Variants in GALNT17 observed in about 807,000 individuals in gnomAD.
GALNT17 encodes the protein UDP-GalNAc:polypeptide N-acetylgalactosaminyltransferase-like 3.
A neutral mutation model predicts 63.7 loss-of-function variants in GALNT17; 29 were observed. That is an observed-to-expected ratio of 0.46 (90% confidence interval 0.34 to 0.62). The LOEUF is 0.62. Among genes scored for constraint, GALNT17 ranks in the 20% least tolerant of loss-of-function variants. GALNT17 has a pLI of 0.01. For synonymous variants in GALNT17, 305 were observed against 318.3 expected, an observed-to-expected ratio of 0.96 and a Z score of 0.45; for missense variants, 603 against 799.6, an observed-to-expected ratio of 0.75 and a Z score of 2.97.
chr7:71,177,658 GC>G (rs1335022206), intron 1 of GALNT17, among the ~76,000 whole-genome samples: 3 of 152,078 alleles, frequency 2.0e-5, no homozygotes, highest in Non-Finnish European at 4.4e-5. Flanking sequence ...CAGTTAGAGG[GC>G]CAGCATGGAA....
chr7:71,529,876 CAA>C (rs1331188835), intron 5 of GALNT17, among the ~76,000 whole-genome samples: 11 of 152,128 alleles, frequency 7.2e-5, no homozygotes, highest in Admixed American at 3.9e-4. Flanking sequence ...TTCATTGTTA[CAA>C]AAGAGTTGTT....
intron 1 of GALNT17, among the ~76,000 whole-genome samples, chr7:71,231,206 G>A (rs1044203265): frequency 1.3e-4 from 19 of 150,874 alleles, no homozygotes; most frequent in African/African-American, 4.6e-4. Context: ...CATGGTTCAT[G>A]TTGGACTGAA....
At chr7:71,390,960 A>G (rs1380604335) in intron 3 of GALNT17, among the ~76,000 whole-genome samples, 2 of 152,220 alleles carry the variant, frequency 1.3e-5, no homozygotes, top group African/African-American at 4.8e-5. Flanking sequence ...TGTGGTATTT[A>G]TACACCTTTA....
At chr7:71,223,997 T>A (rs553620054) in intron 1 of GALNT17, among the ~76,000 whole-genome samples, 46 of 152,306 alleles carry the variant, frequency 3.0e-4, no homozygotes, top group African/African-American at 1.1e-3. Context: ...CATGTCTTGA[T>A]TATTTCACTT....
chr7:71,667,723 T>G (rs951224439), intron 7 of GALNT17, among the ~76,000 whole-genome samples: 2 of 152,148 alleles, frequency 1.3e-5, no homozygotes, highest in African/African-American at 2.4e-5. Context: ...GGAAGTCAGT[T>G]CAGGTCCTCA....
intron 9 of GALNT17, among the ~76,000 whole-genome samples, chr7:71,696,238 G>A (rs569505527): frequency 3.7e-4 from 56 of 151,528 alleles, no homozygotes; most frequent in Middle Eastern, 3.4e-3. Context: ...TCAGCCTCCC[G>A]AGTAGCTGGG....
At chr7:71,385,739 C>T (rs1326030933) in intron 2 of GALNT17, among the ~76,000 whole-genome samples, 1 of 152,154 alleles carries the variant, frequency 6.6e-6, no homozygotes, top group Non-Finnish European at 1.5e-5. Flanking sequence ...AGAGGACCTT[C>T]TCCTAGTTGG....
intron 1 of GALNT17, among the ~76,000 whole-genome samples, chr7:71,212,130 G>A (rs951498198): frequency 1.3e-5 from 2 of 152,194 alleles, no homozygotes; most frequent in Non-Finnish European, 2.9e-5. Flanking sequence ...GGAGGAAAAA[G>A]TGGTTTTGTG....
chr7:71,229,740 C>T (rs1386625019), intron 1 of GALNT17, among the ~76,000 whole-genome samples: 1 of 152,178 alleles, frequency 6.6e-6, no homozygotes, highest in Non-Finnish European at 1.5e-5. Context: ...ACTGGCCAGC[C>T]CTAGTCCCAT....
intron 6 of GALNT17, among the ~76,000 whole-genome samples, chr7:71,610,967 T>G: frequency 7.2e-6 from 1 of 138,280 alleles, no homozygotes. Context: ...GCCTGAGCGG[T>G]GACAGAGCGA....
At position 71,292,282 on chromosome 7, in the gene GALNT17, C is replaced by T. The variant is rs556534786; in HGVS notation, c.239-43268C>T. Among the ~76,000 whole-genome samples the T allele has an allele frequency of 2.6e-5, 4 of 152,262 alleles. 1 individual carries two copies. Among genetic ancestry groups the T allele is most frequent in the Middle Eastern group, 3.4e-3 (1 of 294 alleles). On this transcript the variant is annotated intron_variant, in intron 1 of 10. Transcript: ENST00000333538. ...GGCAAGTGACAGAAAAACAAGAATA[C>T]ATAGGTTTTGCTGGACAGACATCAG... is the stretch of plus-strand genomic sequence containing the variant.
At chr7:71,521,309 C>A (rs1428415559) in intron 5 of GALNT17, among the ~76,000 whole-genome samples, 1 of 152,010 alleles carries the variant, frequency 6.6e-6, no homozygotes, top group African/African-American at 2.4e-5. Flanking sequence ...GCACATCTGT[C>A]CCCAGGTGGA....
chr7:71,239,314 T>TA (rs939922368), intron 1 of GALNT17, among the ~76,000 whole-genome samples: 1 of 144,376 alleles, frequency 6.9e-6, no homozygotes, highest in African/African-American at 2.6e-5. Context: ...CAAAAAAAAA[T>TA]AAATAAAAAT....
chr7:71,406,158 G>T (rs987485832), intron 3 of GALNT17, among the ~76,000 whole-genome samples: 1 of 152,144 alleles, frequency 6.6e-6, no homozygotes, highest in African/African-American at 2.4e-5. Context: ...AGTGAGCTTG[G>T]TTAGCAATTT....
chr7:71,534,690 C>T (rs1424591065), intron 5 of GALNT17, among the ~76,000 whole-genome samples: 2 of 151,986 alleles, frequency 1.3e-5, no homozygotes, highest in African/African-American at 4.8e-5. Flanking sequence ...AATTTAATTA[C>T]CTCCCACTGG....
At chr7:71,616,456 G>A (rs1790204537) in intron 6 of GALNT17, among the ~76,000 whole-genome samples, 1 of 146,074 alleles carries the variant, frequency 6.8e-6, no homozygotes. Flanking sequence ...TATTTATTTA[G>A]TAAATATCAT....
chr7:71,540,548 C>T lies in GALNT17; in HGVS notation c.963-30737C>T, dbSNP rs1022235563. Among the ~76,000 whole-genome samples, 3 of 152,104 alleles carry T rather than the reference C, an allele frequency of 2.0e-5. No individual in the cohort carries two copies. In the East Asian group the frequency reaches 5.8e-4, roughly 29 times the overall value. ...AGCAGTGACTCAGCAGAACAAAGGC[C>T]TCCATCTCCCTTTGTAGAGTATTTT... On this transcript the variant is annotated intron_variant, in intron 5 of 10. Coordinates refer to ENST00000333538, the MANE Select transcript of GALNT17 (RefSeq NM_022479.3).
intron 3 of GALNT17, among the ~76,000 whole-genome samples, chr7:71,397,949 T>C (rs1353212897): frequency 1.4e-5 from 2 of 146,248 alleles, no homozygotes; most frequent in Admixed American, 1.4e-4. Context: ...TCTTTGTTGT[T>C]GTTGTTGTTG....
At chr7:71,706,151 A>G (rs1791720003) in intron 9 of GALNT17, among the ~76,000 whole-genome samples, 2 of 152,196 alleles carry the variant, frequency 1.3e-5, no homozygotes, top group East Asian at 1.9e-4. Flanking sequence ...GGAGGCAAGT[A>G]TTGGTCCCTT....
Sources: allele counts gnomAD v4.1 joint callset (sites outside exome capture counted in the v4.1 genomes callset), GRCh38; gene constraint gnomAD v4.1.1; transcripts MANE v1.5; gene names NCBI Gene and HGNC (gene_info 2026-07-23, HGNC 2026-07-21).